UNC13C: variants seen among roughly 807,000 people sequenced by gnomAD.
UNC13C encodes the protein unc-13 homolog C, also known as protein unc-13 homolog C.
A neutral mutation model predicts 245.4 loss-of-function variants in UNC13C; 174 were observed. The ratio of observed to expected loss-of-function variants is 0.71; its 90% confidence interval spans 0.63 to 0.80. UNC13C has a LOEUF of 0.80. Ranked by LOEUF, UNC13C falls within the 30% of genes least tolerant of loss-of-function variation. The pLI is 0.00. For missense variants in UNC13C, 2,829 were observed against 2,602.9 expected (o/e 1.09, Z -1.89); for synonymous variants, 992 against 895.1 (o/e 1.11, Z -1.93).
intron 29 of UNC13C, among the ~76,000 whole-genome samples, chr15:54,564,007 C>T (rs1301713343): frequency 6.6e-6 from 1 of 151,992 alleles, no homozygotes; most frequent in Non-Finnish European, 1.5e-5. Context: ...GAAAGGTTTT[C>T]ATAAAGTAGA....
chr15:54,142,743 T>C (rs938933564), intron 2 of UNC13C, among the ~76,000 whole-genome samples: 11 of 152,168 alleles, frequency 7.2e-5, no homozygotes, highest in Non-Finnish European at 1.6e-4. Flanking sequence ...GGACTTCTGA[T>C]TCTTCAACTA....
the UNC13C span, among the ~76,000 whole-genome samples, chr15:53,840,796 A>C: frequency 2.6e-5 from 4 of 152,314 alleles, no homozygotes; most frequent in East Asian, 1.9e-4. Flanking sequence ...ATGATTACTC[A>C]TATGTGACCA....
intron 13 of UNC13C, among the ~76,000 whole-genome samples, chr15:54,309,991 C>A (rs750666597): frequency 3.7e-4 from 56 of 151,726 alleles, no homozygotes; most frequent in Non-Finnish European, 6.6e-4. Context: ...CATTTACTTG[C>A]AAAAGTAAAG....
Position 54,276,584 on chromosome 15 carries a change from C to G in UNC13C, c.3818+11088C>G, listed in dbSNP as rs557516312. 2.0e-5 allele frequency among the ~76,000 whole-genome samples: 3 copies of G among 152,168 alleles called. No homozygotes were observed. The South Asian group carries it at 6.2e-4, about 32-fold the overall frequency. On this transcript the variant is annotated intron_variant, in intron 10 of 32. Coordinates refer to ENST00000260323, the MANE Select transcript of UNC13C (RefSeq NM_001080534.3). ...TTACATTTATGGCTGAGAAAAATGT[C>G]TCAGACTTTTGTGAAATTGTAGATA...
chr15:54,258,445 C>T (rs1466887725), intron 8 of UNC13C, among the ~76,000 whole-genome samples: 2 of 152,124 alleles, frequency 1.3e-5, no homozygotes, highest in Non-Finnish European at 2.9e-5. Context: ...CTCAGTGCAA[C>T]CTTCACCTGC....
At chr15:54,010,803 G>A (rs193240911) in intron 1 of UNC13C, among the ~76,000 whole-genome samples, 1 of 152,098 alleles carries the variant, frequency 6.6e-6, no homozygotes, top group African/African-American at 2.4e-5. Context: ...GTCACCTCAG[G>A]TATGAACATG....
chr15:54,589,667 T>G (rs184658596), intron 30 of UNC13C, among the ~76,000 whole-genome samples: 10 of 152,180 alleles, frequency 6.6e-5, no homozygotes, highest in African/African-American at 2.2e-4. Context: ...CAGATTTTTT[T>G]TTTCTTACTG....
At chr15:54,608,135 C>A (rs189741976) in intron 30 of UNC13C, among the ~76,000 whole-genome samples, 207 of 145,260 alleles carry the variant, frequency 1.4e-3, no homozygotes, top group Admixed American at 2.2e-3. Context: ...GGTCTTTTTC[C>A]AAAAAAAAAC....
intron 30 of UNC13C, among the ~76,000 whole-genome samples, chr15:54,582,608 T>C (rs894745704): frequency 7.2e-5 from 11 of 152,074 alleles, no homozygotes; most frequent in African/African-American, 2.2e-4. Context: ...ATCAATGATA[T>C]TTAAACATTT....
At chr15:54,529,031 G>A (rs760065261) in intron 25 of UNC13C, among the ~76,000 whole-genome samples, 2 of 152,198 alleles carry the variant, frequency 1.3e-5, no homozygotes, top group African/African-American at 2.4e-5. Flanking sequence ...GCTTGGAAGA[G>A]AATGTTCCTT....
At chr15:54,459,931 C>T (rs1338512622) in intron 19 of UNC13C, among the ~76,000 whole-genome samples, 1 of 152,082 alleles carries the variant, frequency 6.6e-6, no homozygotes, top group Non-Finnish European at 1.5e-5. Flanking sequence ...GGATCCACTA[C>T]TGGAGAGCTA....
chr15:54,141,930 G>A (rs972347023), intron 2 of UNC13C, among the ~76,000 whole-genome samples: 4 of 152,058 alleles, frequency 2.6e-5, no homozygotes. Context: ...ATCTGTAAGG[G>A]TCATCATTGA....
intron 19 of UNC13C, among the ~76,000 whole-genome samples, chr15:54,456,733 C>T (rs1891553459): frequency 6.6e-6 from 1 of 151,728 alleles, no homozygotes; most frequent in African/African-American, 2.4e-5. Flanking sequence ...GATTTTGTAT[C>T]CTGAAGCTTT....
At chr15:54,060,586 A>T (rs1461472582) in intron 2 of UNC13C, among the ~76,000 whole-genome samples, 2 of 152,176 alleles carry the variant, frequency 1.3e-5, no homozygotes, top group African/African-American at 4.8e-5. Flanking sequence ...TAGAACTAGA[A>T]ATACCATTTG....
chr15:54,619,622 GC>G (rs1461616495), intron 30 of UNC13C, among the ~76,000 whole-genome samples: 4 of 152,156 alleles, frequency 2.6e-5, no homozygotes, highest in Non-Finnish European at 5.9e-5. Context: ...TGTGAAGTTT[GC>G]CCTTCATGCA....
the UNC13C span, among the ~76,000 whole-genome samples, chr15:53,971,031 T>G: frequency 6.6e-6 from 1 of 152,200 alleles, no homozygotes; most frequent in Admixed American, 6.5e-5. Flanking sequence ...TTTCTCTTTG[T>G]GTGTGTTTTA....
intron 4 of UNC13C, among the ~76,000 whole-genome samples, chr15:54,171,154 A>G (rs2033384100): frequency 6.6e-6 from 1 of 152,128 alleles, no homozygotes; most frequent in African/African-American, 2.4e-5. Flanking sequence ...TCTATAATCA[A>G]TCCCAAACCC....
At chr15:54,287,349 A>AT (rs551479374) in intron 10 of UNC13C, among the ~76,000 whole-genome samples, 344 of 152,362 alleles carry the variant, frequency 2.3e-3, no homozygotes, top group Non-Finnish European at 3.5e-3. Flanking sequence ...CACAGCAAGT[A>AT]TAAAAACTAA....
chr15:54,281,557 G>A (rs753065201), intron 10 of UNC13C, among the ~76,000 whole-genome samples: 50 of 152,074 alleles, frequency 3.3e-4, no homozygotes, highest in Non-Finnish European at 6.6e-4. Context: ...TAGTTTTCTG[G>A]TAATTTACAG....
Sources: gnomAD v4.1 joint callset for allele counts (sites outside exome capture counted in the v4.1 genomes callset) on GRCh38, gnomAD v4.1.1 for gene constraint, MANE v1.5 for transcripts, NCBI Gene and HGNC (gene_info 2026-07-23, HGNC 2026-07-21) for gene names.